Variants in TPTE observed in about 807,000 individuals in gnomAD.
The protein encoded by TPTE is putative tyrosine-protein phosphatase TPTE.
TPTE carries 59 observed loss-of-function variants against 84.1 expected under a neutral mutation model. That is an observed-to-expected ratio of 0.70 (90% CI 0.57 to 0.87). The LOEUF is 0.87. TPTE is among the 40% of genes least tolerant of loss of function. The pLI, the probability that TPTE is intolerant of heterozygous loss-of-function variation, is 0.00. For synonymous variants in TPTE, 130 were observed against 223.5 expected, an observed-to-expected ratio of 0.58 and a Z score of 3.73; for missense variants, 382 against 659.6, an observed-to-expected ratio of 0.58 and a Z score of 4.61.
intron 7 of TPTE, among the ~76,000 whole-genome samples, chr21:10,544,620 G>A (rs1461293376): frequency 6.6e-5 from 10 of 152,298 alleles, no homozygotes; most frequent in South Asian, 2.1e-4. Flanking sequence ...TCCTGCCCTC[G>A]TGATCCACCC....
intron 2 of TPTE, among the ~76,000 whole-genome samples, chr21:10,525,053 GGAT>G (rs1441768395): frequency 6.6e-6 from 1 of 152,308 alleles, no homozygotes; most frequent in East Asian, 1.9e-4. Flanking sequence ...CCCTAATGTT[GGAT>G]GCTCTGTTCA....
intron 14 of TPTE, 75 bp downstream of exon 14, chr21:10,570,624 CA>C: frequency 6.2e-7 from 1 of 1,603,900 alleles, no homozygotes; most frequent in Admixed American, 1.7e-5. Flanking sequence ...AATACTGACC[CA>C]GATATGGCAG....
At chr21:10,549,308 C>A (rs1318275542) in intron 7 of TPTE, among the ~76,000 whole-genome samples, 3 of 152,308 alleles carry the variant, frequency 2.0e-5, no homozygotes, top group African/African-American at 7.2e-5. Context: ...ACACAGCAAC[C>A]ATGAAAATGC....
In TPTE at chr21:10,605,697, T is replaced by G; in HGVS notation, c.*145T>G. The G allele has an allele frequency of 7.2e-7, 1 of 1,394,210 alleles. No individual in the cohort carries two copies. Among genetic ancestry groups the G allele is most frequent in the African/African-American group, 1.5e-5 (1 of 68,448 alleles). The allele number at this position is 1,394,210 out of a possible 1,614,324, so 86.4% of individuals were successfully genotyped here. On this transcript the variant is annotated 3_prime_UTR_variant, in exon 24 of 24. Coordinates refer to ENST00000618007, the MANE Select transcript of TPTE (RefSeq NM_199261.4). ...TTTATATATGTTCTTCATAAATCTA[T>G]TACATATATATAGATAAAATGTCAG...
chr21:10,562,672 A>G (rs561228895), intron 10 of TPTE, among the ~76,000 whole-genome samples: 1 of 152,424 alleles, frequency 6.6e-6, no homozygotes, highest in African/African-American at 2.4e-5. Context: ...ATAAACCAGA[A>G]GAAAGAATTA....
rs1217666589 is a variant in TPTE, at chr21:10,603,388, T to TA, written c.1450-171dup. Among the ~76,000 whole-genome samples, 10 of 152,406 alleles carry TA rather than the reference T, an allele frequency of 6.6e-5. No homozygotes were observed. The South Asian group carries it at 1.9e-3, about 29-fold the overall frequency. On this transcript the variant is annotated intron_variant, in intron 22 of 23. Transcript: ENST00000618007. ...GCAAGAGAATGCAGTAGCATTTTCT[T>TA]AAAGCCTCCTCCTTTGTGTCTTGAG...
chr21:10,552,582 A>T (rs1278040688), intron 7 of TPTE, 75 bp from the exon 8 acceptor site: 3 of 1,603,680 alleles, frequency 1.9e-6, no homozygotes, highest in Non-Finnish European at 2.6e-6. Context: ...CTTGCTATTC[A>T]AATATATTTT....
intron 17 of TPTE, among the ~76,000 whole-genome samples, chr21:10,588,969 C>A (rs1285163612): frequency 6.6e-6 from 1 of 152,310 alleles, no homozygotes; most frequent in African/African-American, 2.4e-5. Flanking sequence ...CCTTGCAACC[C>A]AAGCTTTGAA....
intron 7 of TPTE, among the ~76,000 whole-genome samples, chr21:10,548,798 A>G (rs1331887588): frequency 6.6e-6 from 1 of 152,308 alleles, no homozygotes; most frequent in Non-Finnish European, 1.5e-5. Context: ...ACAGCCCTTC[A>G]GGCCACTCCT....
chr21:10,568,995 G>A (rs1425195818), intron 11 of TPTE, among the ~76,000 whole-genome samples: 1 of 152,310 alleles, frequency 6.6e-6, no homozygotes, highest in Admixed American at 6.5e-5. Flanking sequence ...TAACAAAGAT[G>A]AACAAGAATA....
At chr21:10,523,572 T>C (rs1301459174) in intron 1 of TPTE, among the ~76,000 whole-genome samples, 10 of 152,288 alleles carry the variant, frequency 6.6e-5, no homozygotes, top group Non-Finnish European at 1.2e-4. Flanking sequence ...GTTCTTGCGA[T>C]AGTTTACTGA....
intron 19 of TPTE, among the ~76,000 whole-genome samples, chr21:10,593,386 T>A (rs1472206647): frequency 3.3e-5 from 5 of 152,298 alleles, no homozygotes; most frequent in African/African-American, 1.2e-4. Context: ...CTTTGAAAAT[T>A]TAGTTTGTTT....
chr21:10,546,426 A>G (rs1391511604), intron 7 of TPTE, among the ~76,000 whole-genome samples: 6 of 152,430 alleles, frequency 3.9e-5, no homozygotes, highest in East Asian at 3.8e-4. Context: ...TAGTAAGCCT[A>G]TGATGGTCTC....
chr21:10,573,959 G>C (rs546322728), intron 14 of TPTE, among the ~76,000 whole-genome samples: 3 of 152,418 alleles, frequency 2.0e-5, no homozygotes, highest in Admixed American at 2.0e-4. Flanking sequence ...TACACTACCA[G>C]TCTGGATTCA....
At chr21:10,562,193 C>T (rs2074821022) in intron 10 of TPTE, among the ~76,000 whole-genome samples, 2 of 152,426 alleles carry the variant, frequency 1.3e-5, no homozygotes, top group East Asian at 1.9e-4. Flanking sequence ...TGGGGTGCCC[C>T]CTAAAGCAGA....
intron 21 of TPTE, among the ~76,000 whole-genome samples, chr21:10,601,304 A>G (rs1978471078): frequency 6.6e-6 from 1 of 152,310 alleles, no homozygotes; most frequent in Non-Finnish European, 1.5e-5. Flanking sequence ...AGAGATCGAG[A>G]CCATCCTGGT....
At chr21:10,605,285 C>G in intron 23 of TPTE, 132 bp from the exon 24 acceptor site, 3 of 1,284,332 alleles carry the variant, frequency 2.3e-6, no homozygotes, top group East Asian at 2.6e-5. Flanking sequence ...AACTGAGACA[C>G]AAAAAAAGGG....
At chr21:10,535,620 A>G (rs1356306809) in intron 3 of TPTE, among the ~76,000 whole-genome samples, 1 of 152,312 alleles carries the variant, frequency 6.6e-6, no homozygotes, top group African/African-American at 2.4e-5. Flanking sequence ...GAGGTTTTCC[A>G]TTTATGAGAC....
At chr21:10,551,235 A>G (rs1302139278) in intron 7 of TPTE, among the ~76,000 whole-genome samples, 6 of 148,764 alleles carry the variant, frequency 4.0e-5, no homozygotes, top group East Asian at 2.1e-4. Flanking sequence ...GAATTGAACA[A>G]TGAGAACACT....
Sources: gnomAD v4.1 joint callset for allele counts (sites outside exome capture counted in the v4.1 genomes callset) on GRCh38, gnomAD v4.1.1 for gene constraint, MANE v1.5 for transcripts, NCBI Gene and HGNC (gene_info 2026-07-23, HGNC 2026-07-21) for gene names.